The following RNF170 variants were observed in gnomAD, a reference collection of about 807,000 sequenced individuals.
The protein encoded by RNF170 is E3 ubiquitin-protein ligase RNF170.
A neutral mutation model predicts 32.7 loss-of-function variants in RNF170; 12 were observed. The ratio of observed to expected loss-of-function variants is 0.37; its 90% CI spans 0.24 to 0.60. The LOEUF (loss-of-function observed/expected upper bound fraction) is 0.60, where lower values mean the gene tolerates loss of function less well. Ranked by LOEUF, RNF170 falls within the 20% of genes least tolerant of loss-of-function variation. RNF170 has a pLI of 0.72. For missense variants in RNF170, 212 were observed against 311.2 expected, an observed-to-expected ratio of 0.68 and a Z score of 2.40; for synonymous variants, 91 against 103.6, an observed-to-expected ratio of 0.88 and a Z score of 0.74.
chr8:42,870,206 T>C, intron 3 of RNF170, 94 bp from the exon 4 acceptor site: 3 of 836,010 alleles, frequency 3.6e-6, no homozygotes, highest in Non-Finnish European at 6.1e-6. Context: ...GAGTCAGCAG[T>C]GTGTAACCCT....
intron 2 of RNF170, among the ~76,000 whole-genome samples, chr8:42,880,809 A>T (rs539513159): frequency 8.9e-4 from 136 of 152,284 alleles, no homozygotes; most frequent in Admixed American, 1.6e-3. Flanking sequence ...AACTGTCAGC[A>T]ACCACCACCC....
intron 2 of RNF170, 60 bp downstream of exon 2, chr8:42,887,668 G>C (rs1353827904): frequency 1.2e-5 from 18 of 1,461,100 alleles, no homozygotes; most frequent in Non-Finnish European, 1.6e-5. Context: ...TACATTATTA[G>C]GGGTCAAAAA....
chr8:42,897,168 T>C, upstream of RNF170: 2 of 1,246,956 alleles, frequency 1.6e-6, no homozygotes, highest in Non-Finnish European at 2.0e-6. Flanking sequence ...GGCGGAGCTG[T>C]GCGAGAGCCT....
At chr8:42,878,069 CA>C (rs1481690429) in intron 2 of RNF170, among the ~76,000 whole-genome samples, 1 of 152,124 alleles carries the variant, frequency 6.6e-6, no homozygotes, top group Admixed American at 6.5e-5. Flanking sequence ...ATCAATCAAT[CA>C]ATCAACGTTG....
intron 3 of RNF170, among the ~76,000 whole-genome samples, chr8:42,870,591 G>T (rs1804450692): frequency 6.6e-6 from 1 of 152,048 alleles, no homozygotes; most frequent in Non-Finnish European, 1.5e-5. Flanking sequence ...GCCAGGAGTG[G>T]TGGTGGCATG....
In RNF170 at chr8:42,896,580, G is replaced by C. The variant is rs1472171118; in HGVS notation, c.-104C>G. 2.2e-6 allele frequency: 1 copy of C among 453,778 alleles called. No individual in the cohort carries two copies. The highest frequency in any genetic ancestry group is 4.4e-6 in the Non-Finnish European group (1 of 226,738). 28.1% of individuals were successfully genotyped at this position (453,778 alleles called of 1,614,324 possible). ...GCCACCCCTCCCGGGCAACCCACTA[G>C]ACGTCCCCTTTCTAATTTGGAGTGC... On this transcript the variant is annotated 5_prime_UTR_variant, in exon 1 of 7. Transcript: ENST00000527424.
At chr8:42,859,284 G>A (rs776990764) in intron 6 of RNF170, among the ~76,000 whole-genome samples, 3 of 152,182 alleles carry the variant, frequency 2.0e-5, no homozygotes, top group Non-Finnish European at 4.4e-5. Flanking sequence ...AGGCCACTGT[G>A]GTTGCCGTGA....
intron 5 of RNF170, among the ~76,000 whole-genome samples, chr8:42,862,248 A>T (rs1224781350): frequency 2.0e-5 from 3 of 152,264 alleles, no homozygotes; most frequent in Non-Finnish European, 4.4e-5. Flanking sequence ...TTCAGTATTA[A>T]AATAATGATT....
chr8:42,886,233 A>T (rs1805817047), intron 2 of RNF170, among the ~76,000 whole-genome samples: 1 of 151,782 alleles, frequency 6.6e-6, no homozygotes, highest in Non-Finnish European at 1.5e-5. Flanking sequence ...CAAAAAAAAA[A>T]ATAATAATAA....
intron 2 of RNF170, among the ~76,000 whole-genome samples, chr8:42,882,319 G>A (rs1196899566): frequency 1.3e-5 from 2 of 152,208 alleles, no homozygotes; most frequent in East Asian, 3.8e-4. Context: ...AAAGGTGGGA[G>A]TAACCCAAAT....
At chr8:42,857,004 A>G (rs950944668) in intron 6 of RNF170, among the ~76,000 whole-genome samples, 1 of 152,256 alleles carries the variant, frequency 6.6e-6, no homozygotes, top group Non-Finnish European at 1.5e-5. Context: ...AACTTGCCAG[A>G]CAATATAGAA....
intron 6 of RNF170, among the ~76,000 whole-genome samples, chr8:42,860,997 C>T (rs895910930): frequency 2.0e-4 from 30 of 152,120 alleles, no homozygotes; most frequent in Admixed American, 5.2e-4. Flanking sequence ...GGATTACAGG[C>T]GTGAGCCACC....
At chr8:42,878,469 CAGCCACAACATTTCCTTA>C (rs1361757888) in intron 2 of RNF170, among the ~76,000 whole-genome samples, 1 of 152,164 alleles carries the variant, frequency 6.6e-6, no homozygotes, top group Admixed American at 6.5e-5. Context: ...AAGATCAAAC[CAGCCACAACATTTCCTTA>C]AGCCAAAGCC....
Position 42,856,325 on chromosome 8 carries a change from A to G in RNF170, c.611T>C (p.Leu204Pro). The G allele has an allele frequency of 6.3e-7, 1 of 1,582,172 alleles. No individual in the cohort carries two copies. The highest frequency in any genetic ancestry group is 8.5e-7 in the Non-Finnish European group (1 of 1,170,454). ...ATAGAAAAAAGCTCCCATTAAACAA[A>G]GTATTATCCTGATGCGAAACATCCA... ...LFWMFRIRIILCLMGAFFYLI... is the reference protein window; with the variant it reads ...LFWMFRIRIIPCLMGAFFYLI... The change falls in exon 7 of 7, where the codon CTT (leucine) becomes CCT (proline). Residue 204 changes from leucine to proline, a missense_variant. By Grantham distance (98) the Leu-to-Pro change is moderately conservative. Transcript: ENST00000527424.
At chr8:42,872,757 T>C (rs1450800794) in intron 3 of RNF170, among the ~76,000 whole-genome samples, 1 of 152,080 alleles carries the variant, frequency 6.6e-6, no homozygotes, top group South Asian at 2.1e-4. Flanking sequence ...AAGTTATTCT[T>C]GTATCAATAA....
At chr8:42,886,645 T>G (rs936704376) in intron 2 of RNF170, among the ~76,000 whole-genome samples, 2 of 152,074 alleles carry the variant, frequency 1.3e-5, no homozygotes, top group African/African-American at 4.8e-5. Context: ...CAGGCTAGTC[T>G]CGAACTCCTG....
intron 3 of RNF170, among the ~76,000 whole-genome samples, chr8:42,871,623 G>A (rs1804529807): frequency 6.6e-6 from 1 of 151,598 alleles, no homozygotes; most frequent in Non-Finnish European, 1.5e-5. Context: ...CCAGGCTGGA[G>A]TGCAGTGGCA....
downstream of RNF170, chr8:42,853,216 C>T (rs180688325): frequency 1.0e-3 from 482 of 462,758 alleles, 3 homozygotes; most frequent in Non-Finnish European, 1.1e-3. Context: ...GTGATAAAGC[C>T]GTTGCAACCA....
intron 2 of RNF170, among the ~76,000 whole-genome samples, chr8:42,879,209 C>G (rs1805185873): frequency 6.6e-6 from 1 of 152,072 alleles, no homozygotes; most frequent in Non-Finnish European, 1.5e-5. Context: ...TTCCACAGCC[C>G]CATAAATCAA....
Sources: gnomAD v4.1 joint callset for allele counts (sites outside exome capture counted in the v4.1 genomes callset) on GRCh38, gnomAD v4.1.1 for gene constraint, MANE v1.5 for transcripts, NCBI Gene and HGNC (gene_info 2026-07-23, HGNC 2026-07-21) for gene names.